GPC5: variants seen among roughly 807,000 people sequenced by gnomAD.
GPC5 encodes glypican 5.
GPC5 carries 47 observed loss-of-function variants against 53.9 expected under a neutral mutation model. That is an observed-to-expected ratio of 0.87 (90% CI 0.69 to 1.11). The LOEUF is 1.11. Among genes scored for constraint, GPC5 ranks in the 50% most tolerant of loss-of-function variants. The pLI, the probability that GPC5 is intolerant of heterozygous loss-of-function variation, is 0.00. For missense variants in GPC5, 748 were observed against 713.1 expected, an observed-to-expected ratio of 1.05 and a Z score of -0.56; for synonymous variants, 286 against 263.3, an observed-to-expected ratio of 1.09 and a Z score of -0.84.
chr13:92,244,212 G>A (rs913451127), intron 7 of GPC5, among the ~76,000 whole-genome samples: 2 of 152,158 alleles, frequency 1.3e-5, no homozygotes, highest in South Asian at 4.1e-4. Context: ...GTTGTTAAAA[G>A]AAACAATTTG....
chr13:91,441,614 C>T (rs984618754), intron 1 of GPC5, among the ~76,000 whole-genome samples: 1 of 152,136 alleles, frequency 6.6e-6, no homozygotes, highest in East Asian at 1.9e-4. Context: ...AAAGAATATT[C>T]CAGCAGGAGG....
intron 2 of GPC5, among the ~76,000 whole-genome samples, chr13:91,497,954 C>G (rs181825214): frequency 6.6e-6 from 1 of 152,194 alleles, no homozygotes; most frequent in Non-Finnish European, 1.5e-5. Flanking sequence ...CAATCCAATT[C>G]TTGCCATTTC....
At chr13:92,100,097 A>T (rs2138910263) in intron 6 of GPC5, among the ~76,000 whole-genome samples, 1 of 152,266 alleles carries the variant, frequency 6.6e-6, no homozygotes, top group South Asian at 2.1e-4. Flanking sequence ...GCCAGGAATA[A>T]AAACTACATT....
intron 7 of GPC5, among the ~76,000 whole-genome samples, chr13:92,538,999 CTTTATATAT>C (rs1881834028): frequency 9.0e-6 from 1 of 110,664 alleles, no homozygotes; most frequent in African/African-American, 3.5e-5. Context: ...TATATATATA[CTTTATATAT>C]TTTATATATA....
At chr13:92,080,661 C>T (rs920119247) in intron 6 of GPC5, among the ~76,000 whole-genome samples, 1 of 152,196 alleles carries the variant, frequency 6.6e-6, no homozygotes, top group African/African-American at 2.4e-5. Flanking sequence ...GCTATACTTA[C>T]ACAAGTTCTA....
At chr13:92,515,800 C>T (rs1880753929) in intron 7 of GPC5, among the ~76,000 whole-genome samples, 1 of 152,076 alleles carries the variant, frequency 6.6e-6, no homozygotes, top group South Asian at 2.1e-4. Context: ...ATTCACAACA[C>T]TACCCTCAAA....
chr13:92,190,687 A>G (rs2042217042), intron 7 of GPC5, among the ~76,000 whole-genome samples: 1 of 152,150 alleles, frequency 6.6e-6, no homozygotes, highest in African/African-American at 2.4e-5. Flanking sequence ...TGCAAACTCT[A>G]TGAAAACCAT....
intron 7 of GPC5, chr13:92,659,376 G>A (rs1886258765): frequency 6.8e-6 from 1 of 147,094 alleles, no homozygotes; most frequent in African/African-American, 2.5e-5. Flanking sequence ...TTCACTCCCT[G>A]GGTTGCCTTT....
chr13:91,726,196 A>G (rs1397909872), intron 3 of GPC5, among the ~76,000 whole-genome samples: 1 of 152,064 alleles, frequency 6.6e-6, no homozygotes, highest in Non-Finnish European at 1.5e-5. Context: ...TGCTTCTTTT[A>G]CTTCTCACTG....
intron 7 of GPC5, among the ~76,000 whole-genome samples, chr13:92,736,685 A>C (rs1022127667): frequency 1.3e-5 from 2 of 151,732 alleles, no homozygotes; most frequent in Non-Finnish European, 2.9e-5. Context: ...TGTTTACCAC[A>C]ATCTTTTTAT....
intron 7 of GPC5, among the ~76,000 whole-genome samples, chr13:92,390,528 G>A (rs1472382193): frequency 1.3e-5 from 2 of 152,100 alleles, no homozygotes; most frequent in African/African-American, 4.8e-5. Flanking sequence ...CCTTTTATGG[G>A]TTTGTGGTCA....
At chr13:91,508,199 A>G (rs1011028721) in intron 2 of GPC5, among the ~76,000 whole-genome samples, 3 of 152,238 alleles carry the variant, frequency 2.0e-5, no homozygotes, top group African/African-American at 7.2e-5. Context: ...GCTTTAGCTA[A>G]CAACAAAACT....
At chr13:92,830,877 G>A (rs762555235) in intron 7 of GPC5, among the ~76,000 whole-genome samples, 6 of 152,064 alleles carry the variant, frequency 3.9e-5, no homozygotes, top group African/African-American at 2.4e-5. Flanking sequence ...TCTCAGAAAA[G>A]CAGAACATAT....
At chr13:91,516,684 G>A (rs1340947785) in intron 2 of GPC5, among the ~76,000 whole-genome samples, 1 of 152,208 alleles carries the variant, frequency 6.6e-6, no homozygotes, top group Admixed American at 6.5e-5. Flanking sequence ...GGGACTCTGT[G>A]TGGGGGCTCT....
intron 7 of GPC5, among the ~76,000 whole-genome samples, chr13:92,607,698 T>C (rs1242117289): frequency 2.6e-5 from 4 of 152,242 alleles, no homozygotes; most frequent in Non-Finnish European, 4.4e-5. Flanking sequence ...TTTTCAAATA[T>C]GTAAACATTG....
intron 7 of GPC5, among the ~76,000 whole-genome samples, chr13:92,826,277 C>T (rs1877844863): frequency 6.6e-6 from 1 of 152,052 alleles, no homozygotes; most frequent in African/African-American, 2.4e-5. Context: ...GGGAGAATGC[C>T]CTCCAAAGAG....
At chr13:91,738,377 C>T (rs1004979358) in intron 4 of GPC5, among the ~76,000 whole-genome samples, 1 of 151,300 alleles carries the variant, frequency 6.6e-6, no homozygotes, top group Non-Finnish European at 1.5e-5. Flanking sequence ...CATGGTTATG[C>T]CTCACCATAA....
chr13:91,717,498 A>G (rs1221943486), intron 3 of GPC5, among the ~76,000 whole-genome samples: 3 of 152,184 alleles, frequency 2.0e-5, no homozygotes, highest in African/African-American at 4.8e-5. Flanking sequence ...AGGAAATTCC[A>G]GTGCAGGAGC....
At chr13:92,730,491 C>T (rs1049534070) in intron 7 of GPC5, among the ~76,000 whole-genome samples, 26 of 151,380 alleles carry the variant, frequency 1.7e-4, no homozygotes, top group African/African-American at 6.0e-4. Context: ...TTCCTGTTGT[C>T]TTCCAGGAGT....
Sources: gnomAD v4.1 joint callset for allele counts (sites outside exome capture counted in the v4.1 genomes callset) on GRCh38, gnomAD v4.1.1 for gene constraint, MANE v1.5 for transcripts, NCBI Gene and HGNC (gene_info 2026-07-23, HGNC 2026-07-21) for gene names.